DNAI2: variants seen among roughly 807,000 people sequenced by gnomAD.
The protein encoded by DNAI2 is dynein, axonemal, intermediate polypeptide 2.
Under a neutral mutation model 74.7 loss-of-function variants are expected in DNAI2, and 63 were observed. The ratio of observed to expected loss-of-function variants is 0.84; its 90% CI spans 0.69 to 1.04. DNAI2 has a LOEUF of 1.04. DNAI2 is among the 50% of genes least tolerant of loss of function. The pLI is 0.00. For synonymous variants in DNAI2, 289 were observed against 314.9 expected (o/e 0.92, Z 0.87); for missense variants, 688 against 803.2 (o/e 0.86, Z 1.73).
intron 6 of DNAI2, among the ~76,000 whole-genome samples, chr17:74,298,424 C>T (rs984909530): frequency 6.6e-6 from 1 of 152,180 alleles, no homozygotes; most frequent in Admixed American, 6.5e-5. Context: ...CATGCCTCAG[C>T]CTCCTGAGAA....
chr17:74,287,065 A>G lies in DNAI2; in HGVS notation c.434A>G (p.Glu145Gly), dbSNP rs560366460. 3 of 1,613,908 alleles carry G rather than the reference A, an allele frequency of 1.9e-6. No homozygotes were observed. The highest frequency in any genetic ancestry group is 2.2e-5 in the East Asian group (1 of 44,874). The change falls in exon 4 of 14, where the codon GAG becomes GGG. Residue 145 changes from glutamate (E) to glycine (G), a missense_variant. Physicochemically the swap from Glu to Gly is moderately conservative, Grantham distance 98 (BLOSUM62 -2). Coordinates refer to ENST00000311014, the MANE Select transcript of DNAI2 (RefSeq NM_023036.6). ...NDEEAMEVME[E>G]DPSAKTINVF... ...GAGGAGGCCATGGAAGTGATGGAGG[A>G]GGACCCTTCAGCTAAAACCATCAAT... is the stretch of plus-strand genomic sequence containing the variant.
chr17:74,289,549 G>A lies in DNAI2; in HGVS notation c.468-45G>A, dbSNP rs201366939. 1.4e-5 allele frequency: 22 copies of A among 1,603,642 alleles called. No homozygotes were observed. The East Asian group carries it at 4.2e-4, about 31-fold the overall frequency. ...AAAAAAAAAAAGGGGGAGAAATTGG[G>A]GAACCTCACATCCAGCCTTCTGCTC... is the stretch of plus-strand genomic sequence containing the variant. On this transcript the variant is annotated intron_variant, in intron 4 of 13. Transcript: ENST00000311014.
Position 74,309,301 on chromosome 17 carries a change from G to A in DNAI2, c.1260G>A (p.Pro420=), listed in dbSNP as rs200043910. ...ATGCTGCCTGGAGCCCCGTGAGGCC[G>A]ACCGTTTTCTTTACCACCAGGATGG... ...LTDAAWSPVR[P]TVFFTTRMDG... is the part of the protein sequence containing the mutation. Residue 420 remains proline, a synonymous_variant, in exon 10 of 14, where the codon CCG becomes CCA. Transcript: ENST00000311014. The A allele has an allele frequency of 2.8e-5, 46 of 1,614,088 alleles. No individual in the cohort carries two copies. Among genetic ancestry groups the A allele is most frequent in the African/African-American group, 9.3e-5 (7 of 75,016 alleles).
At chr17:74,277,177 A>C (rs1294303469) in intron 1 of DNAI2, among the ~76,000 whole-genome samples, 1 of 152,202 alleles carries the variant, frequency 6.6e-6, no homozygotes, top group African/African-American at 2.4e-5. Context: ...ACTTGAGATC[A>C]GGAGTTCAAG....
chr17:74,287,472 G>A (rs1359177677), intron 4 of DNAI2, among the ~76,000 whole-genome samples: 3 of 152,200 alleles, frequency 2.0e-5, no homozygotes, highest in Non-Finnish European at 4.4e-5. Context: ...CCAGAGGATA[G>A]AAGTTTGACA....
In DNAI2 at chr17:74,285,152, A is replaced by C. The variant is rs200125805; in HGVS notation, c.296A>C (p.Lys99Thr). The C allele has an allele frequency of 5.0e-6, 8 of 1,614,190 alleles. No individual in the cohort carries two copies. In the Admixed American group the frequency reaches 5.0e-5, roughly 10 times the overall value. The change falls in exon 3 of 14, where the codon AAA (lysine) becomes ACA (threonine). Residue 99 changes from lysine to threonine, a missense_variant. Lys to Thr is a moderately conservative substitution (Grantham distance 78, BLOSUM62 -1). Transcript: ENST00000311014. ...GAGCAGACCATCCGTTTCCGGAAGAAAGTGGAGAAAGATGAGAACTACGTT... is the reference window on the plus strand; with the variant it reads ...GAGCAGACCATCCGTTTCCGGAAGACAGTGGAGAAAGATGAGAACTACGTT... ...ELEQTIRFRK[K>T]VEKDENYVNA... is the part of the protein sequence containing the mutation.
At chr17:74,299,029 G>C (rs1245115165) in intron 6 of DNAI2, among the ~76,000 whole-genome samples, 1 of 152,198 alleles carries the variant, frequency 6.6e-6, no homozygotes, top group Admixed American at 6.5e-5. Flanking sequence ...AAGTACTTTT[G>C]TTATTTTACA....
chr17:74,287,503 TTG>T lies in DNAI2; in HGVS notation c.467+424_467+425del, dbSNP rs138901894. Among the ~76,000 whole-genome samples, 12 of 150,454 alleles carry T rather than the reference TTG, an allele frequency of 8.0e-5. 1 individual carries two copies. Among genetic ancestry groups the T allele is most frequent in the South Asian group, 4.2e-4 (2 of 4,770 alleles). ...TGACACCAGGGATTCATCCCACAGG[TTG>T]TGTGTGTGTGTGTGTGTGAAATCAC... On this transcript the variant is annotated intron_variant, in intron 4 of 13. Coordinates refer to ENST00000311014, the MANE Select transcript of DNAI2 (RefSeq NM_023036.6).
chr17:74,299,963 T>G, intron 7 of DNAI2, 106 bp downstream of exon 7: 1 of 1,510,030 alleles, frequency 6.6e-7, no homozygotes, highest in Non-Finnish European at 9.0e-7. Flanking sequence ...CACATTTTAT[T>G]TTGAGATGGA....
intron 9 of DNAI2, among the ~76,000 whole-genome samples, chr17:74,308,416 G>A (rs919925580): frequency 3.3e-5 from 5 of 152,158 alleles, no homozygotes; most frequent in African/African-American, 9.7e-5. Flanking sequence ...ACTCCCATCC[G>A]TGAGTCCCAG....
chr17:74,311,856 C>T (rs978614622), intron 11 of DNAI2, 147 bp from the exon 12 acceptor site: 2 of 781,010 alleles, frequency 2.6e-6, no homozygotes, highest in Admixed American at 2.1e-5. Context: ...CCTTCCTTGA[C>T]ACCAGCCCTG....
chr17:74,285,288 A>G (rs918916792), intron 3 of DNAI2, 87 bp downstream of exon 3: 4 of 1,518,206 alleles, frequency 2.6e-6, no homozygotes, highest in Non-Finnish European at 3.6e-6. Flanking sequence ...GTGCCTGGCC[A>G]TCGCTGTGAG....
intron 1 of DNAI2, 155 bp from the exon 2 acceptor site, chr17:74,281,652 G>A (rs755253798): frequency 1.5e-6 from 1 of 675,626 alleles, no homozygotes; most frequent in Non-Finnish European, 2.5e-6. Flanking sequence ...TTTTAATGCG[G>A]ATGCAGCTTC....
intron 1 of DNAI2, among the ~76,000 whole-genome samples, chr17:74,280,419 A>C (rs1026031797): frequency 5.9e-5 from 9 of 152,248 alleles, no homozygotes; most frequent in Admixed American, 5.9e-4. Context: ...CCACTTCCCA[A>C]TTCCCTGCTG....
At chr17:74,289,880 A>G (rs2051983186) in intron 5 of DNAI2, 144 bp downstream of exon 5, 1 of 967,186 alleles carries the variant, frequency 1.0e-6, no homozygotes, top group Admixed American at 2.1e-5. Flanking sequence ...GAGGAGGAAC[A>G]CACTCTTCTC....
chr17:74,289,868 T>C (rs1003054138), intron 5 of DNAI2, 132 bp downstream of exon 5: 3 of 1,083,856 alleles, frequency 2.8e-6, no homozygotes, highest in Non-Finnish European at 4.1e-6. Flanking sequence ...GGGCCCGCAG[T>C]CGAGGAGGAA....
chr17:74,301,613 C>T (rs1392084502), intron 8 of DNAI2, among the ~76,000 whole-genome samples: 1 of 151,450 alleles, frequency 6.6e-6, no homozygotes, highest in Admixed American at 6.6e-5. Flanking sequence ...GAGGTCAAAG[C>T]AGGCTCCTTG....
Position 74,309,335 on chromosome 17 carries a change from C to G in DNAI2, c.1294C>G (p.Leu432Val), listed in dbSNP as rs759735240. The change falls in exon 10 of 14, where the codon CTG becomes GTG. Residue 432 changes from leucine (L) to valine (V), a missense_variant. Physicochemically the swap from Leu to Val is conservative, Grantham distance 32. Coordinates refer to ENST00000311014, the MANE Select transcript of DNAI2 (RefSeq NM_023036.6). ...CTTTACCACCAGGATGGACGGAACC[C>G]TGGATATCTGGGACTTCATGTTCGA... ...VFFTTRMDGT[L>V]DIWDFMFEQC... 2 of 1,614,168 alleles carry G rather than the reference C, an allele frequency of 1.2e-6. No individual in the cohort carries two copies. The highest frequency in any genetic ancestry group is 1.7e-6 in the Non-Finnish European group (2 of 1,180,038).
intron 1 of DNAI2, among the ~76,000 whole-genome samples, chr17:74,274,707 T>G (rs2143822129): frequency 6.6e-6 from 1 of 152,320 alleles, no homozygotes; most frequent in East Asian, 1.9e-4. Flanking sequence ...AGCCTCCGGC[T>G]AGGGTGATGG....
Sources: allele counts gnomAD v4.1 joint callset (sites outside exome capture counted in the v4.1 genomes callset), GRCh38; gene constraint gnomAD v4.1.1; transcripts MANE v1.5; gene names NCBI Gene and HGNC (gene_info 2026-07-23, HGNC 2026-07-21).